Variants in PM20D2 observed in about 807,000 individuals in gnomAD.
The protein encoded by PM20D2 is xaa-Arg dipeptidase.
In PM20D2, 33 loss-of-function variants were observed where a neutral mutation model predicts 42.9. That is an observed-to-expected ratio of 0.77 (90% CI 0.58 to 1.03). The LOEUF is 1.03. Ranked by LOEUF, PM20D2 falls within the 50% of genes least tolerant of loss-of-function variation. The probability of loss-of-function intolerance (pLI) is 0.00; values close to 1 mark genes in which losing one functional copy is unlikely to be tolerated. For missense variants in PM20D2, 548 were observed against 557.0 expected (o/e 0.98, Z 0.16); for synonymous variants, 250 against 228.2 (o/e 1.10, Z -0.86).
the PM20D2 span, among the ~76,000 whole-genome samples, chr6:89,134,654 C>T: frequency 6.0e-5 from 9 of 151,184 alleles, no homozygotes; most frequent in African/African-American, 2.2e-4. Context: ...ACTGGGGGAA[C>T]TTGAAGCTTC....
rs183768932 is a variant in PM20D2 at position 89,162,921 on chromosome 6, C to G, written c.*658C>G. 6.6e-6 allele frequency: 1 copy of G among 152,438 alleles called. No homozygotes were observed. Among genetic ancestry groups the G allele is most frequent in the African/African-American group, 2.4e-5 (1 of 41,548 alleles). 9.4% of individuals were successfully genotyped at this position (152,438 alleles called of 1,614,324 possible). ...AGCTGGGATTACAGGTGTGTGGCAC[C>G]ATGCCCAGCTAATTTTTGTATTTTT... On this transcript the variant is annotated 3_prime_UTR_variant, in exon 7 of 7. Coordinates refer to ENST00000275072, the MANE Select transcript of PM20D2 (RefSeq NM_001010853.3).
At chr6:89,108,052 A>G in the PM20D2 span, among the ~76,000 whole-genome samples, 7 of 152,238 alleles carry the variant, frequency 4.6e-5, no homozygotes, top group Non-Finnish European at 8.8e-5. Context: ...ATCAGGCTTT[A>G]AAGAAAAATG....
At chr6:89,109,239 C>T in the PM20D2 span, among the ~76,000 whole-genome samples, 6 of 152,128 alleles carry the variant, frequency 3.9e-5, no homozygotes. Flanking sequence ...CATAGTGAGG[C>T]CCAGTTATGT....
intron 4 of PM20D2, among the ~76,000 whole-genome samples, chr6:89,157,759 C>T (rs928347244): frequency 6.6e-6 from 1 of 152,138 alleles, no homozygotes; most frequent in Admixed American, 6.5e-5. Context: ...AATCCCAGCA[C>T]TTTGGGAGGC....
rs1227965607 is a variant in PM20D2 at position 89,165,264 on chromosome 6, C to T, written c.*3001C>T. 2.0e-5 allele frequency: 3 copies of T among 151,752 alleles called. No individual in the cohort carries two copies. The highest frequency in any genetic ancestry group is 7.3e-5 in the African/African-American group (3 of 41,292). 9.4% of individuals were successfully genotyped at this position (151,752 alleles called of 1,614,324 possible). On this transcript the variant is annotated 3_prime_UTR_variant, in exon 7 of 7. Coordinates refer to ENST00000275072, the MANE Select transcript of PM20D2 (RefSeq NM_001010853.3). The stretch of plus-strand genomic sequence containing the variant: ...TATCTCTTTAGTCTTTTGGAAAATA[C>T]CCTACACAATACTAACCTTTAAAAC...
At chr6:89,103,500 TG>T in the PM20D2 span, among the ~76,000 whole-genome samples, 1 of 152,138 alleles carries the variant, frequency 6.6e-6, no homozygotes, top group African/African-American at 2.4e-5. Flanking sequence ...ACCTAATTTT[TG>T]TATTTTTAGT....
chr6:89,108,168 AGGGGTACCAAAAAAAAGAAACAGC>A, the PM20D2 span, among the ~76,000 whole-genome samples: 1 of 152,210 alleles, frequency 6.6e-6, no homozygotes, highest in African/African-American at 2.4e-5. Context: ...GTGCTTCAGA[AGGGGTACCAAAAAAAAGAAACAGC>A]ATGATATTCA....
At chr6:89,134,861 G>A in the PM20D2 span, among the ~76,000 whole-genome samples, 6 of 151,210 alleles carry the variant, frequency 4.0e-5, no homozygotes, top group Admixed American at 1.3e-4. Context: ...GGATGGTTTC[G>A]GAAGAGATCT....
intron 3 of PM20D2, 110 bp from the exon 4 acceptor site, chr6:89,154,638 T>A (rs1562255303): frequency 1.6e-5 from 12 of 769,248 alleles, no homozygotes; most frequent in Non-Finnish European, 2.4e-5. Context: ...AGCTAGTGAG[T>A]TTAAATTATT....
the PM20D2 span, chr6:89,105,777 AGT>A: frequency 4.0e-6 from 1 of 249,698 alleles, no homozygotes; most frequent in Non-Finnish European, 7.6e-6. Flanking sequence ...CTGTACTTTT[AGT>A]GTCTACAATA....
At chr6:89,109,447 G>A in the PM20D2 span, among the ~76,000 whole-genome samples, 25 of 87,608 alleles carry the variant, frequency 2.9e-4, no homozygotes. Flanking sequence ...CTGAGGGTGA[G>A]AGAAGTTACC....
chr6:89,109,000 TTTTC>T, the PM20D2 span, among the ~76,000 whole-genome samples: 1 of 152,352 alleles, frequency 6.6e-6, no homozygotes, highest in East Asian at 1.9e-4. Flanking sequence ...ACAATGTCTT[TTTTC>T]TTTTACTTAT....
At chr6:89,107,405 G>A in the PM20D2 span, 1 of 634,760 alleles carries the variant, frequency 1.6e-6, no homozygotes, top group East Asian at 2.8e-5. Flanking sequence ...ATCATGCAAG[G>A]TTTTGAAAGA....
At chr6:89,111,249 C>T in the PM20D2 span, among the ~76,000 whole-genome samples, 1 of 152,130 alleles carries the variant, frequency 6.6e-6, no homozygotes, top group Admixed American at 6.6e-5. Flanking sequence ...GCTGGGATTA[C>T]AGGCATGTGC....
chr6:89,097,566 C>T, the PM20D2 span: 1 of 151,964 alleles, frequency 6.6e-6, no homozygotes, highest in Non-Finnish European at 1.5e-5. Context: ...GTTGCCCAGG[C>T]TGGTCTCAAT....
chr6:89,140,858 A>G, the PM20D2 span, among the ~76,000 whole-genome samples: 299 of 152,324 alleles, frequency 2.0e-3, 1 homozygote, highest in Middle Eastern at 3.4e-3. Context: ...TTTGTGGGCC[A>G]TTTGAAGAAA....
the PM20D2 span, among the ~76,000 whole-genome samples, chr6:89,134,163 T>C: frequency 2.0e-5 from 3 of 151,152 alleles, no homozygotes; most frequent in Non-Finnish European, 4.4e-5. Flanking sequence ...GACAAAGGCT[T>C]TGAGTCAACA....
chr6:89,144,587 T>C (rs1770456636), upstream of PM20D2, among the ~76,000 whole-genome samples: 1 of 152,224 alleles, frequency 6.6e-6, no homozygotes, highest in African/African-American at 2.4e-5. Context: ...TGAAGATAAA[T>C]AACCACATTA....
rs189775042 is a variant in PM20D2, at chr6:89,152,395, G to A, written c.615-648G>A. ...AGCTTTATAAGTAACTATTCAACAC[G>A]CAATCCTTTCTCTAATCTTTTTTTT... On this transcript the variant is annotated intron_variant, in intron 2 of 6. Coordinates refer to ENST00000275072, the MANE Select transcript of PM20D2 (RefSeq NM_001010853.3). Among the ~76,000 whole-genome samples, 988 of 151,908 alleles carry A rather than the reference G, an allele frequency of 6.5e-3. 7 individuals carry two copies. Among genetic ancestry groups the A allele is most frequent in the Non-Finnish European group, 0.011 (741 of 67,958 alleles).
Sources: allele counts gnomAD v4.1 joint callset (sites outside exome capture counted in the v4.1 genomes callset), GRCh38; gene constraint gnomAD v4.1.1; transcripts MANE v1.5; gene names NCBI Gene and HGNC (gene_info 2026-07-23, HGNC 2026-07-21).